SMAD9: variants seen among roughly 807,000 people sequenced by gnomAD.
SMAD9 encodes MAD homolog 9.
A neutral mutation model predicts 46.1 loss-of-function variants in SMAD9; 36 were observed. The ratio of observed to expected loss-of-function variants is 0.78; its 90% CI spans 0.60 to 1.03. SMAD9 has a LOEUF of 1.03. SMAD9 is among the 50% of genes least tolerant of loss of function. The pLI is 0.00. For synonymous variants in SMAD9, 245 were observed against 237.1 expected (o/e 1.03, Z -0.31); for missense variants, 572 against 599.8 (o/e 0.95, Z 0.48).
intron 1 of SMAD9, among the ~76,000 whole-genome samples, chr13:36,903,613 G>T (rs1593619647): frequency 1.3e-5 from 2 of 152,024 alleles, no homozygotes; most frequent in Admixed American, 1.3e-4. Flanking sequence ...TGTTTTCTTT[G>T]AACTGAGAGA....
chr13:36,893,134 C>T (rs747868660), intron 1 of SMAD9, among the ~76,000 whole-genome samples: 16 of 151,930 alleles, frequency 1.1e-4, no homozygotes, highest in Admixed American at 2.0e-4. Flanking sequence ...TAAGACATAG[C>T]AATTCCACAA....
chr13:36,892,848 G>C (rs998294203), intron 1 of SMAD9, among the ~76,000 whole-genome samples: 1 of 152,124 alleles, frequency 6.6e-6, no homozygotes, highest in African/African-American at 2.4e-5. Flanking sequence ...ATCTCAAACA[G>C]AATGAAGGAC....
intron 1 of SMAD9, among the ~76,000 whole-genome samples, chr13:36,882,967 A>G (rs1240269900): frequency 6.6e-6 from 1 of 152,046 alleles, no homozygotes; most frequent in African/African-American, 2.4e-5. Flanking sequence ...TTCCTTGTCT[A>G]GGTTGTTTCT....
chr13:36,908,684 G>T (rs1410500017), intron 1 of SMAD9, among the ~76,000 whole-genome samples: 3 of 152,076 alleles, frequency 2.0e-5, no homozygotes, highest in Admixed American at 6.6e-5. Flanking sequence ...CAGAGGAAGT[G>T]ACATAATAAT....
chr13:36,906,999 AAATGAATG>A (rs140864972), intron 1 of SMAD9, among the ~76,000 whole-genome samples: 1 of 152,180 alleles, frequency 6.6e-6, no homozygotes, highest in African/African-American at 2.4e-5. Flanking sequence ...ATCCATCAAC[AAATGAATG>A]AATGAACAAA....
intron 1 of SMAD9, among the ~76,000 whole-genome samples, chr13:36,906,568 CCAATT>C (rs1255879534): frequency 1.3e-5 from 2 of 151,902 alleles, no homozygotes; most frequent in Admixed American, 6.6e-5. Flanking sequence ...AACAAACCAC[CCAATT>C]CAAAAGAGGC....
intron 1 of SMAD9, among the ~76,000 whole-genome samples, chr13:36,896,124 T>C (rs777738780): frequency 1.3e-5 from 2 of 151,364 alleles, no homozygotes; most frequent in Non-Finnish European, 1.5e-5. Flanking sequence ...TATTTATTTA[T>C]TTATTTATTT....
At position 36,870,319 on chromosome 13, in the gene SMAD9, C is replaced by T. The variant is rs147766724; in HGVS notation, c.670+2339G>A. On this transcript the variant is annotated intron_variant, in intron 3 of 6. Coordinates refer to ENST00000379826, the MANE Select transcript of SMAD9 (RefSeq NM_001127217.3). ...CCTGTTCCTTAACCAAGGTTCTGTCCTCAAATGACTTCTCTTTCTGTTGTA... is the reference window on the plus strand; with the variant it reads ...CCTGTTCCTTAACCAAGGTTCTGTCTTCAAATGACTTCTCTTTCTGTTGTA... 4.0e-3 allele frequency among the ~76,000 whole-genome samples: 602 copies of T among 152,224 alleles called. 1 individual carries two copies. Among genetic ancestry groups the T allele is most frequent in the South Asian group, 0.015 (71 of 4,828 alleles).
chr13:36,907,364 A>G (rs916421889), intron 1 of SMAD9, among the ~76,000 whole-genome samples: 2 of 152,198 alleles, frequency 1.3e-5, no homozygotes, highest in African/African-American at 4.8e-5. Flanking sequence ...ACTGAACTAT[A>G]TGACTAAAAA....
At chr13:36,895,937 A>G (rs2058524201) in intron 1 of SMAD9, among the ~76,000 whole-genome samples, 1 of 152,176 alleles carries the variant, frequency 6.6e-6, no homozygotes, top group Admixed American at 6.5e-5. Context: ...TTGTCACAGA[A>G]AGAGAAGAAC....
rs2058037964 is a variant in SMAD9 at position 36,846,302 on chromosome 13, G to A, written c.*2374C>T. 6.6e-6 allele frequency: 1 copy of A among 151,584 alleles called. No homozygotes were observed. The highest frequency in any genetic ancestry group is 2.4e-5 in the African/African-American group (1 of 41,272). The allele number at this position is 151,584 out of a possible 1,614,324, so 9.4% of individuals were successfully genotyped here. ...TAGAGACCATTCTGGCTACCATGGTGAAACCCCGTCTCTACTAAAAATATA... is the reference window on the plus strand; with the variant it reads ...TAGAGACCATTCTGGCTACCATGGTAAAACCCCGTCTCTACTAAAAATATA... On this transcript the variant is annotated 3_prime_UTR_variant, in exon 7 of 7. Coordinates refer to ENST00000379826, the MANE Select transcript of SMAD9 (RefSeq NM_001127217.3).
chr13:36,857,512 T>A (rs2058138180), intron 5 of SMAD9, among the ~76,000 whole-genome samples: 1 of 152,018 alleles, frequency 6.6e-6, no homozygotes, highest in East Asian at 1.9e-4. Context: ...GAGTGTGGAG[T>A]CCTGTGTTGT....
rs1593544638 is a variant in SMAD9 at position 36,850,916 on chromosome 13, T to C, written c.1261-2097A>G. 2.0e-5 allele frequency among the ~76,000 whole-genome samples: 3 copies of C among 152,252 alleles called. 1 individual carries two copies. Among genetic ancestry groups the C allele is most frequent in the Admixed American group, 2.0e-4 (3 of 15,298 alleles). ...AACTAACTTCATCTTCCTCTTTTTC[T>C]CCCACGCCTGATCCGCCTTCACAAT... On this transcript the variant is annotated intron_variant, in intron 6 of 6. Transcript: ENST00000379826.
intron 1 of SMAD9, among the ~76,000 whole-genome samples, chr13:36,884,765 T>C (rs2058431153): frequency 6.6e-6 from 1 of 152,238 alleles, no homozygotes; most frequent in African/African-American, 2.4e-5. Context: ...ATTTTAATCC[T>C]GAAGAAAATA....
At chr13:36,888,679 G>A (rs975239261) in intron 1 of SMAD9, among the ~76,000 whole-genome samples, 2 of 152,134 alleles carry the variant, frequency 1.3e-5, no homozygotes, top group African/African-American at 4.8e-5. Flanking sequence ...GAAGTAGGCG[G>A]TGCTCTCAAG....
chr13:36,914,106 C>T (rs2058681069), intron 1 of SMAD9, among the ~76,000 whole-genome samples: 2 of 152,190 alleles, frequency 1.3e-5, no homozygotes, highest in South Asian at 4.1e-4. Flanking sequence ...ATACTACTAA[C>T]ACTAATTCAA....
rs490865 is a variant in SMAD9, at chr13:36,883,594, T to C, written c.-186-3719A>G. Among the ~76,000 whole-genome samples, 420 of 152,112 alleles carry C rather than the reference T, an allele frequency of 2.8e-3. 2 individuals carry two copies. The highest frequency in any genetic ancestry group is 9.7e-3 in the African/African-American group (402 of 41,496). Reference sequence around the variant, plus strand: ...GGTGAAACACCATCTCTACAAAAAATACAAAAGTTAATTGGGCGTGGTGGC... The same window carrying C: ...GGTGAAACACCATCTCTACAAAAAACACAAAAGTTAATTGGGCGTGGTGGC... On this transcript the variant is annotated intron_variant, in intron 1 of 6. Transcript: ENST00000379826.
At chr13:36,888,190 A>T (rs1289974162) in intron 1 of SMAD9, among the ~76,000 whole-genome samples, 2 of 152,170 alleles carry the variant, frequency 1.3e-5, no homozygotes, top group East Asian at 3.9e-4. Flanking sequence ...CTTGAACTGT[A>T]GTCCCCACTT....
intron 5 of SMAD9, 60 bp downstream of exon 5, chr13:36,865,477 A>G: frequency 7.1e-7 from 1 of 1,403,378 alleles, no homozygotes; most frequent in Non-Finnish European, 1.0e-6. Flanking sequence ...GTGCACTTCT[A>G]CACACATGAC....
Sources: allele counts gnomAD v4.1 joint callset (sites outside exome capture counted in the v4.1 genomes callset), GRCh38; gene constraint gnomAD v4.1.1; transcripts MANE v1.5; gene names NCBI Gene and HGNC (gene_info 2026-07-23, HGNC 2026-07-21).